Variants in TMEM135 observed in about 807,000 individuals in gnomAD.
The protein encoded by TMEM135 is peroxisomal membrane protein 52.
Under a neutral mutation model 60.3 loss-of-function variants are expected in TMEM135, and 30 were observed. The ratio of observed to expected loss-of-function variants is 0.50; its 90% confidence interval spans 0.37 to 0.68. The LOEUF (loss-of-function observed/expected upper bound fraction) is 0.68. TMEM135 is among the 30% of genes least tolerant of loss of function. The pLI, the probability that TMEM135 is intolerant of heterozygous loss-of-function variation, is 0.00. For synonymous variants in TMEM135, 190 were observed against 186.7 expected (o/e 1.02, Z -0.14); for missense variants, 468 against 548.8 (o/e 0.85, Z 1.47).
chr11:87,281,797 A>G (rs1336865486), intron 6 of TMEM135, among the ~76,000 whole-genome samples: 2 of 152,178 alleles, frequency 1.3e-5, no homozygotes, highest in South Asian at 2.1e-4. Flanking sequence ...ACAGTTTCCT[A>G]TGTTTGTTCT....
intron 4 of TMEM135, among the ~76,000 whole-genome samples, chr11:87,120,267 TTTTTTAA>T (rs1858016122): frequency 6.6e-6 from 1 of 151,516 alleles, no homozygotes; most frequent in Admixed American, 6.6e-5. Context: ...GACCAGCTAA[TTTTTTAA>T]TTTTTAATTT....
chr11:87,198,891 CT>C (rs56126239), intron 5 of TMEM135, among the ~76,000 whole-genome samples: 12,816 of 152,052 alleles, frequency 0.084, 581 homozygotes, highest in African/African-American at 0.1. Context: ...TCTTCTATGT[CT>C]TTTTTTATTT....
At chr11:87,120,113 C>CTTTTTT (rs200904925) in intron 4 of TMEM135, among the ~76,000 whole-genome samples, 6 of 135,020 alleles carry the variant, frequency 4.4e-5, no homozygotes, top group Non-Finnish European at 6.3e-5. Flanking sequence ...TTTTCTTCTT[C>CTTTTTT]TTCTTTTTTT....
At chr11:87,199,340 C>T (rs1021569795) in intron 5 of TMEM135, among the ~76,000 whole-genome samples, 4 of 152,162 alleles carry the variant, frequency 2.6e-5, no homozygotes, top group South Asian at 2.1e-4. Context: ...CTCTCCAAGA[C>T]GGTGCGTTCA....
chr11:87,041,778 C>T (rs77018416), intron 1 of TMEM135, among the ~76,000 whole-genome samples: 3 of 152,062 alleles, frequency 2.0e-5, no homozygotes, highest in Non-Finnish European at 2.9e-5. Flanking sequence ...ATGAATAGTG[C>T]GGGAGTGAAG....
chr11:87,249,159 G>C (rs953009805), intron 6 of TMEM135, among the ~76,000 whole-genome samples: 2 of 152,140 alleles, frequency 1.3e-5, no homozygotes, highest in Admixed American at 6.5e-5. Context: ...GGGCATCCCT[G>C]TTGTGTTCCA....
intron 4 of TMEM135, among the ~76,000 whole-genome samples, chr11:87,145,602 CT>C (rs1938392542): frequency 6.6e-6 from 1 of 151,422 alleles, no homozygotes; most frequent in African/African-American, 2.4e-5. Context: ...TATCTTTCAT[CT>C]TTTTGATGAA....
intron 4 of TMEM135, among the ~76,000 whole-genome samples, chr11:87,137,168 A>T (rs1051162643): frequency 1.3e-5 from 2 of 152,040 alleles, no homozygotes; most frequent in Non-Finnish European, 2.9e-5. Context: ...CTGTTTTTAG[A>T]TGCAAAAACA....
intron 6 of TMEM135, among the ~76,000 whole-genome samples, chr11:87,242,881 C>G (rs1323061184): frequency 3.4e-5 from 5 of 147,126 alleles, no homozygotes; most frequent in Admixed American, 2.0e-4. Flanking sequence ...TCAATTTTGG[C>G]TTTTGTTGCC....
chr11:87,069,048 A>G (rs140327457), intron 2 of TMEM135, among the ~76,000 whole-genome samples: 193 of 147,244 alleles, frequency 1.3e-3, no homozygotes, highest in Non-Finnish European at 2.3e-3. Context: ...TCACGCCTGT[A>G]ATCCTAGCAC....
chr11:87,115,972 A>G lies in TMEM135; in HGVS notation c.396+24577A>G, dbSNP rs1857868791. Among the ~76,000 whole-genome samples the G allele has an allele frequency of 2.0e-5, 3 of 152,092 alleles. No homozygotes were observed. The South Asian group carries it at 6.2e-4, about 31-fold the overall frequency. ...TGAAATAAATTAAAAATATTAATCT[A>G]TTTTTAAGAATATAGATTAATGGTA... is the stretch of plus-strand genomic sequence containing the variant. On this transcript the variant is annotated intron_variant, in intron 4 of 14. Transcript: ENST00000305494.
At chr11:87,104,787 G>T (rs566660551) in intron 4 of TMEM135, among the ~76,000 whole-genome samples, 7 of 152,232 alleles carry the variant, frequency 4.6e-5, no homozygotes, top group African/African-American at 1.4e-4. Flanking sequence ...CAACCGTACG[G>T]AATTTATTTA....
At chr11:87,278,997 T>G (rs1591164042) in intron 6 of TMEM135, among the ~76,000 whole-genome samples, 1 of 149,110 alleles carries the variant, frequency 6.7e-6, no homozygotes, top group East Asian at 1.9e-4. Flanking sequence ...TTTTTTTTTT[T>G]GAAATTCATC....
intron 1 of TMEM135, among the ~76,000 whole-genome samples, chr11:87,058,444 C>T (rs1468691861): frequency 1.3e-5 from 2 of 151,800 alleles, no homozygotes; most frequent in African/African-American, 4.8e-5. Flanking sequence ...ATTCTGCTGC[C>T]TCAGCCTCCT....
intron 1 of TMEM135, among the ~76,000 whole-genome samples, chr11:87,046,288 C>T (rs1392425537): frequency 2.0e-5 from 3 of 152,162 alleles, no homozygotes; most frequent in African/African-American, 4.8e-5. Flanking sequence ...TCTGTAATCC[C>T]AGCTACTTGG....
intron 6 of TMEM135, among the ~76,000 whole-genome samples, chr11:87,286,139 A>G (rs191142174): frequency 5.3e-5 from 8 of 151,132 alleles, no homozygotes; most frequent in Admixed American, 4.6e-4. Flanking sequence ...TAGACATAAA[A>G]GTTCTCCAAG....
intron 4 of TMEM135, among the ~76,000 whole-genome samples, chr11:87,101,799 A>G (rs1036746957): frequency 3.3e-5 from 5 of 151,970 alleles, no homozygotes; most frequent in African/African-American, 1.2e-4. Flanking sequence ...ACATGGATAA[A>G]CCCGTCTCTA....
At chr11:87,051,565 G>C (rs1272606721) in intron 1 of TMEM135, among the ~76,000 whole-genome samples, 1 of 66,324 alleles carries the variant, frequency 1.5e-5, no homozygotes, top group Non-Finnish European at 2.4e-5. Context: ...ATTCACAATT[G>C]CTTCAAAGAG....
At chr11:87,254,468 T>G (rs1053965243) in intron 6 of TMEM135, among the ~76,000 whole-genome samples, 1 of 152,212 alleles carries the variant, frequency 6.6e-6, no homozygotes, top group African/African-American at 2.4e-5. Context: ...TCTTTCATTT[T>G]AAATTTGTCA....
Sources: allele counts gnomAD v4.1 joint callset (sites outside exome capture counted in the v4.1 genomes callset), GRCh38; gene constraint gnomAD v4.1.1; transcripts MANE v1.5; gene names NCBI Gene and HGNC (gene_info 2026-07-23, HGNC 2026-07-21).